DOCK2: variants seen among roughly 807,000 people sequenced by gnomAD.
DOCK2 encodes dedicator of cytokinesis 2.
In DOCK2, 87 loss-of-function variants were observed where a neutral mutation model predicts 248.9. The observed-to-expected ratio is 0.35, with a 90% CI of 0.29 to 0.42. DOCK2 has a LOEUF of 0.42. DOCK2 is among the 10% of genes least tolerant of loss of function. The pLI is 1.00. For missense variants in DOCK2, 1,747 were observed against 2,300.2 expected, an observed-to-expected ratio of 0.76 and a Z score of 4.92; for synonymous variants, 805 against 821.6, an observed-to-expected ratio of 0.98 and a Z score of 0.35.
intron 1 of DOCK2, among the ~76,000 whole-genome samples, chr5:169,642,530 C>T (rs1757207297): frequency 1.3e-5 from 2 of 152,200 alleles, no homozygotes; most frequent in Admixed American, 1.3e-4. Flanking sequence ...GATATTAATA[C>T]ATGCATCTTT....
chr5:169,752,935 G>A (rs1435112931), intron 23 of DOCK2, among the ~76,000 whole-genome samples: 8 of 151,956 alleles, frequency 5.3e-5, no homozygotes, highest in African/African-American at 1.9e-4. Context: ...CGTGGTGGCG[G>A]GTGCCTGTAA....
chr5:170,056,566 G>C, intron 42 of DOCK2, 118 bp from the exon 43 acceptor site: 1 of 741,754 alleles, frequency 1.3e-6, no homozygotes, highest in East Asian at 2.7e-5. Context: ...TGCACCACAA[G>C]GGACTCTGCC....
intron 27 of DOCK2, among the ~76,000 whole-genome samples, chr5:169,920,402 T>G (rs1775110808): frequency 6.6e-6 from 1 of 152,242 alleles, no homozygotes; most frequent in Admixed American, 6.5e-5. Flanking sequence ...TTCTGAGAGT[T>G]GTTGATAGTA....
rs77599330 is a variant in DOCK2 at position 169,683,293 on chromosome 5, G to C, written c.607-903G>C. 9.1e-3 allele frequency among the ~76,000 whole-genome samples: 1,384 copies of C among 152,230 alleles called. 16 individuals carry two copies. The highest frequency in any genetic ancestry group is 0.024 in the Middle Eastern group (7 of 294). On this transcript the variant is annotated intron_variant, in intron 7 of 51. Transcript: ENST00000520908. ...CACCCAGGCTGGAGTATAATGGTGT[G>C]ATCATGGCTCACTGTAGCTTCGACC...
At chr5:169,835,279 T>TTTTTTG in intron 26 of DOCK2, among the ~76,000 whole-genome samples, 1 of 150,672 alleles carries the variant, frequency 6.6e-6, no homozygotes, top group South Asian at 2.1e-4. Flanking sequence ...TTTTTTTTTT[T>TTTTTTG]GAGACTGCTC....
At chr5:169,803,537 C>A (rs1767129776) in intron 26 of DOCK2, among the ~76,000 whole-genome samples, 1 of 152,162 alleles carries the variant, frequency 6.6e-6, no homozygotes, top group Non-Finnish European at 1.5e-5. Context: ...GTTTCCTATG[C>A]CTAGACAGCA....
At chr5:169,867,396 G>A (rs1215453760) in intron 27 of DOCK2, among the ~76,000 whole-genome samples, 1 of 150,930 alleles carries the variant, frequency 6.6e-6, no homozygotes, top group East Asian at 2.0e-4. Flanking sequence ...AGGAACCATG[G>A]GTGAAAACCT....
At chr5:170,056,986 CA>C in intron 43 of DOCK2, 1 of 518,812 alleles carries the variant, frequency 1.9e-6, no homozygotes, top group Non-Finnish European at 3.4e-6. Flanking sequence ...ACCCAGGCCT[CA>C]TGTCAGAGGC....
At chr5:169,684,085 A>G (rs781570524) in intron 7 of DOCK2, 111 bp from the exon 8 acceptor site, 1 of 1,309,714 alleles carries the variant, frequency 7.6e-7, no homozygotes, top group Non-Finnish European at 1.1e-6. Flanking sequence ...AGCTGGATGG[A>G]ATGCCCAAAC....
At chr5:169,880,722 A>T (rs181723761) in intron 27 of DOCK2, among the ~76,000 whole-genome samples, 63 of 152,284 alleles carry the variant, frequency 4.1e-4, no homozygotes, top group Admixed American at 6.5e-4. Context: ...TCAGATAAGG[A>T]AAGTGAGCCC....
chr5:170,031,519 A>C (rs183610064), intron 34 of DOCK2, among the ~76,000 whole-genome samples: 3 of 152,222 alleles, frequency 2.0e-5, no homozygotes, highest in Non-Finnish European at 4.4e-5. Flanking sequence ...AGCTTTTGTC[A>C]TACTCTGTTG....
intron 10 of DOCK2, among the ~76,000 whole-genome samples, 178 bp from the exon 11 acceptor site, chr5:169,698,196 C>A (rs1318611166): frequency 7.2e-5 from 11 of 152,208 alleles, no homozygotes; most frequent in Non-Finnish European, 1.5e-5. Flanking sequence ...CCTGGTGCTG[C>A]ACGCGAGGAA....
intron 30 of DOCK2, among the ~76,000 whole-genome samples, chr5:169,997,430 G>T (rs1298523055): frequency 6.8e-6 from 1 of 147,726 alleles, no homozygotes; most frequent in Non-Finnish European, 1.5e-5. Context: ...CTTTATGGGT[G>T]TCGGGCTGGG....
intron 27 of DOCK2, among the ~76,000 whole-genome samples, chr5:169,921,531 TG>T: frequency 6.6e-6 from 1 of 152,298 alleles, no homozygotes; most frequent in Middle Eastern, 3.4e-3. Context: ...ATTTGGAAAA[TG>T]TTGCCTCTTT....
At chr5:169,744,700 C>A (rs568348239) in intron 22 of DOCK2, among the ~76,000 whole-genome samples, 1 of 152,278 alleles carries the variant, frequency 6.6e-6, no homozygotes, top group East Asian at 1.9e-4. Context: ...ACCCTTCCCC[C>A]TGGAGTGCTG....
chr5:169,938,910 C>CTTTT (rs60068204), intron 27 of DOCK2, among the ~76,000 whole-genome samples: 6 of 141,246 alleles, frequency 4.2e-5, no homozygotes, highest in South Asian at 2.3e-4. Flanking sequence ...TTTTTCTTTT[C>CTTTT]TTTTTTTTTT....
At chr5:169,799,714 G>T (rs764745369) in intron 25 of DOCK2, among the ~76,000 whole-genome samples, 1 of 152,110 alleles carries the variant, frequency 6.6e-6, no homozygotes, top group Admixed American at 6.5e-5. Flanking sequence ...TAAAGTAATA[G>T]ATATATTTTC....
In DOCK2 at chr5:169,699,366, C is replaced by G. The variant is rs762842249; in HGVS notation, c.1056-16C>G. 1.2e-6 allele frequency: 2 copies of G among 1,611,966 alleles called. No individual in the cohort carries two copies. Among genetic ancestry groups the G allele is most frequent in the South Asian group, 2.2e-5 (2 of 90,794 alleles). Reference sequence around the variant, plus strand: ...GGACACGATGTGGACATTTCATGCTCTCTTTTCCTTTCCAGGGTTACAGCT... The same window carrying G: ...GGACACGATGTGGACATTTCATGCTGTCTTTTCCTTTCCAGGGTTACAGCT... On this transcript the variant is annotated splice_polypyrimidine_tract_variant and intron_variant, in intron 11 of 51. Coordinates refer to ENST00000520908, the MANE Select transcript of DOCK2 (RefSeq NM_004946.3).
intron 27 of DOCK2, among the ~76,000 whole-genome samples, chr5:169,943,478 AT>A (rs1416192526): frequency 6.6e-6 from 1 of 152,166 alleles, no homozygotes; most frequent in Non-Finnish European, 1.5e-5. Flanking sequence ...ACATAAAAAG[AT>A]TTTAGGGCCT....
Sources: gnomAD v4.1 joint callset for allele counts (sites outside exome capture counted in the v4.1 genomes callset) on GRCh38, gnomAD v4.1.1 for gene constraint, MANE v1.5 for transcripts, NCBI Gene and HGNC (gene_info 2026-07-23, HGNC 2026-07-21) for gene names.